Variants in TMEM135 observed in about 807,000 individuals in gnomAD.
TMEM135 encodes peroxisomal membrane protein 52.
In TMEM135, 30 loss-of-function variants were observed where a neutral mutation model predicts 60.3. The ratio of observed to expected loss-of-function variants is 0.50; its 90% confidence interval spans 0.37 to 0.68. TMEM135 has a LOEUF of 0.68. Among genes scored for constraint, TMEM135 ranks in the 30% least tolerant of loss-of-function variants. The pLI is 0.00. For missense variants in TMEM135, 468 were observed against 548.8 expected (o/e 0.85, Z 1.47); for synonymous variants, 190 against 186.7 (o/e 1.02, Z -0.14).
intron 4 of TMEM135, among the ~76,000 whole-genome samples, chr11:87,116,954 C>G (rs1416486917): frequency 4.6e-5 from 7 of 152,028 alleles, no homozygotes; most frequent in African/African-American, 1.4e-4. Context: ...TCCTGAGTAG[C>G]TGGGATTACA....
At position 87,179,042 on chromosome 11, in the gene TMEM135, G is replaced by T. The variant is rs75750548; in HGVS notation, c.462+21636G>T. Among the ~76,000 whole-genome samples the T allele has an allele frequency of 3.5e-4, 54 of 152,216 alleles. 1 individual carries two copies. The East Asian group carries it at 9.1e-3, about 26-fold the overall frequency. On this transcript the variant is annotated intron_variant, in intron 5 of 14. Coordinates refer to ENST00000305494, the MANE Select transcript of TMEM135 (RefSeq NM_022918.4). ...TTGTCAGCATCCTTGCCAACATTTGGTATGATCAGACTATTTTATTATAGC... is the reference window on the plus strand; with the variant it reads ...TTGTCAGCATCCTTGCCAACATTTGTTATGATCAGACTATTTTATTATAGC...
intron 3 of TMEM135, among the ~76,000 whole-genome samples, chr11:87,079,922 A>G (rs1393412731): frequency 1.4e-5 from 2 of 144,208 alleles, no homozygotes; most frequent in African/African-American, 5.2e-5. Flanking sequence ...GCTCACTGCA[A>G]CCTCTGCCTC....
At chr11:87,100,556 ACT>A (rs1857435024) in intron 4 of TMEM135, among the ~76,000 whole-genome samples, 1 of 152,182 alleles carries the variant, frequency 6.6e-6, no homozygotes, top group South Asian at 2.1e-4. Flanking sequence ...CAAAATATTT[ACT>A]GTTTTTTGGT....
chr11:87,148,186 A>G lies in TMEM135; in HGVS notation c.397-9155A>G, dbSNP rs906272661. Among the ~76,000 whole-genome samples the G allele has an allele frequency of 3.9e-5, 6 of 152,214 alleles. No individual in the cohort carries two copies. The East Asian group carries it at 1.2e-3, about 29-fold the overall frequency. Reference sequence around the variant, plus strand: ...AAAAGAAAGAGACATTTCAATCAAGAATTTACTATAGGTAAATTTACAAAT... The same window carrying G: ...AAAAGAAAGAGACATTTCAATCAAGGATTTACTATAGGTAAATTTACAAAT... On this transcript the variant is annotated intron_variant, in intron 4 of 14. Coordinates refer to ENST00000305494, the MANE Select transcript of TMEM135 (RefSeq NM_022918.4).
chr11:87,081,809 A>G (rs750527174), intron 3 of TMEM135, among the ~76,000 whole-genome samples: 1 of 152,066 alleles, frequency 6.6e-6, no homozygotes, highest in Non-Finnish European at 1.5e-5. Flanking sequence ...GACCTATTCT[A>G]AATATTAGCT....
chr11:87,299,725 T>G (rs1942410953), intron 7 of TMEM135, among the ~76,000 whole-genome samples: 1 of 152,196 alleles, frequency 6.6e-6, no homozygotes, highest in South Asian at 2.1e-4. Context: ...TTAACTGTGC[T>G]GAAATGTTGC....
At chr11:87,253,952 G>A (rs1941472695) in intron 6 of TMEM135, among the ~76,000 whole-genome samples, 1 of 151,758 alleles carries the variant, frequency 6.6e-6, no homozygotes, top group South Asian at 2.1e-4. Context: ...AATTATTCTT[G>A]TTTTGAAAAT....
intron 12 of TMEM135, among the ~76,000 whole-genome samples, chr11:87,315,059 G>T (rs1316219204): frequency 6.6e-6 from 1 of 151,574 alleles, no homozygotes; most frequent in East Asian, 1.9e-4. Context: ...ATATGTTTTT[G>T]CAATCATTTT....
At chr11:87,188,359 C>G (rs551165150) in intron 5 of TMEM135, among the ~76,000 whole-genome samples, 22 of 152,260 alleles carry the variant, frequency 1.4e-4, no homozygotes, top group African/African-American at 5.3e-4. Context: ...TATTCACCCT[C>G]TTTTTACCCT....
chr11:87,221,209 C>T (rs1162176855), intron 5 of TMEM135, among the ~76,000 whole-genome samples: 1 of 152,110 alleles, frequency 6.6e-6, no homozygotes, highest in Non-Finnish European at 1.5e-5. Context: ...GGCTAAAATA[C>T]CATATGAGGA....
chr11:87,212,679 T>C (rs910644088), intron 5 of TMEM135, among the ~76,000 whole-genome samples: 1 of 151,896 alleles, frequency 6.6e-6, no homozygotes, highest in African/African-American at 2.4e-5. Flanking sequence ...AAAAATTAGC[T>C]GGACATGGTG....
At chr11:87,095,141 A>C (rs2135174246) in intron 4 of TMEM135, 1 of 182,366 alleles carries the variant, frequency 5.5e-6, no homozygotes, top group East Asian at 1.3e-4. Context: ...AACTGAGTAC[A>C]TCCACATCCC....
chr11:87,083,114 C>G (rs917682793), intron 3 of TMEM135, among the ~76,000 whole-genome samples: 1 of 152,076 alleles, frequency 6.6e-6, no homozygotes, highest in Non-Finnish European at 1.5e-5. Flanking sequence ...TAGTATTAAG[C>G]GTGCTTGCTT....
Position 87,129,329 on chromosome 11 carries a change from G to A in TMEM135, c.397-28012G>A, listed in dbSNP as rs570289494. The stretch of plus-strand genomic sequence containing the variant: ...ACGATCTCAGCTCACTGCAACCTCT[G>A]CCTCCCAGGTTCAAGCAGTTCTCCT... On this transcript the variant is annotated intron_variant, in intron 4 of 14. Transcript: ENST00000305494. Among the ~76,000 whole-genome samples the A allele has an allele frequency of 3.8e-4, 48 of 126,858 alleles. No homozygotes were observed. In the South Asian group the frequency reaches 0.01, roughly 27 times the overall value. The allele number at this position is 126,858 out of a possible 152,430, so 83.2% of individuals were successfully genotyped here.
chr11:87,319,174 C>G, intron 13 of TMEM135, 136 bp from the exon 14 acceptor site: 1 of 779,642 alleles, frequency 1.3e-6, no homozygotes, highest in Non-Finnish European at 2.2e-6. Context: ...CAGCCAAAAG[C>G]AACATTTTTA....
At position 87,037,967 on chromosome 11, in the gene TMEM135, G is replaced by A. The variant is rs1302751118; in HGVS notation, c.-79G>A. 1 of 1,599,224 alleles carries A rather than the reference G, an allele frequency of 6.3e-7. No individual in the cohort carries two copies. Among genetic ancestry groups the A allele is most frequent in the East Asian group, 2.2e-5 (1 of 44,790 alleles). ...CCTCCGAGTGCTGGCCGGGCGAGAG[G>A]CTGGCGGCTGGGCTCTCGCGCCCCT... On this transcript the variant is annotated 5_prime_UTR_variant, in exon 1 of 15. Coordinates refer to ENST00000305494, the MANE Select transcript of TMEM135 (RefSeq NM_022918.4).
At chr11:87,257,436 G>T (rs1941549114) in intron 6 of TMEM135, among the ~76,000 whole-genome samples, 1 of 145,236 alleles carries the variant, frequency 6.9e-6, no homozygotes, top group South Asian at 2.2e-4. Flanking sequence ...CAGCTGTGTT[G>T]GTTCAAATCC....
Position 87,067,708 on chromosome 11 carries a change from C to A in TMEM135, c.156C>A (p.Leu52=). 2 of 1,613,760 alleles carry A rather than the reference C, an allele frequency of 1.2e-6. No homozygotes were observed. The highest frequency in any genetic ancestry group is 1.1e-5 in the South Asian group (1 of 91,064). The change falls in exon 2 of 15, where the codon CTC becomes CTA. Residue 52 remains leucine (L), a synonymous_variant. Transcript: ENST00000305494. ...TCTCTTTCCAGATTGCAGCAATTCT[C>A]CGGAAACGGAAATTAGACTATTATT... ...YAPLYLIAAI[L]RKRKLDYYLH...
At position 87,211,631 on chromosome 11, in the gene TMEM135, A is replaced by G. The variant is rs576918854; in HGVS notation, c.463-25007A>G. 9.2e-5 allele frequency among the ~76,000 whole-genome samples: 14 copies of G among 152,210 alleles called. No homozygotes were observed. In the East Asian group the frequency reaches 2.5e-3, roughly 27 times the overall value. On this transcript the variant is annotated intron_variant, in intron 5 of 14. Coordinates refer to ENST00000305494, the MANE Select transcript of TMEM135 (RefSeq NM_022918.4). ...AAGTAGAAAGAGAACAGCAAAACAG[A>G]TCTGTTTTTCGACTGCTCTTTTCTA... is the stretch of plus-strand genomic sequence containing the variant.
Sources: allele counts gnomAD v4.1 joint callset (sites outside exome capture counted in the v4.1 genomes callset), GRCh38; gene constraint gnomAD v4.1.1; transcripts MANE v1.5; gene names NCBI Gene and HGNC (gene_info 2026-07-23, HGNC 2026-07-21).